PSD3: variants seen among roughly 807,000 people sequenced by gnomAD.
PSD3 encodes pleckstrin and Sec7 domain containing 3.
PSD3 carries 49 observed loss-of-function variants against 105.5 expected under a neutral mutation model. The observed-to-expected ratio is 0.46, with a 90% CI of 0.37 to 0.59. The LOEUF is 0.59. Ranked by LOEUF, PSD3 falls within the 20% of genes least tolerant of loss-of-function variation. The pLI is 0.00. For synonymous variants in PSD3, 557 were observed against 457.8 expected, an observed-to-expected ratio of 1.22 and a Z score of -2.77; for missense variants, 1,561 against 1,263.8, an observed-to-expected ratio of 1.24 and a Z score of -3.57.
chr8:18,758,238 G>C (rs1443258296), intron 9 of PSD3, among the ~76,000 whole-genome samples: 2 of 152,110 alleles, frequency 1.3e-5, no homozygotes, highest in African/African-American at 2.4e-5. Flanking sequence ...AGAGAGGAGA[G>C]AGCAACAATG....
At chr8:18,588,512 T>C (rs1267522855) in intron 12 of PSD3, among the ~76,000 whole-genome samples, 1 of 152,228 alleles carries the variant, frequency 6.6e-6, no homozygotes, top group Non-Finnish European at 1.5e-5. Flanking sequence ...CTAGCATTCT[T>C]ATGATTTAAC....
At chr8:19,072,717 T>G (rs538987132) in intron 1 of PSD3, among the ~76,000 whole-genome samples, 1 of 152,120 alleles carries the variant, frequency 6.6e-6, no homozygotes, top group African/African-American at 2.4e-5. Context: ...GAGCCAAAAT[T>G]CGGGTGGATG....
At chr8:19,065,028 A>C (rs1829030935) in intron 1 of PSD3, among the ~76,000 whole-genome samples, 1 of 151,898 alleles carries the variant, frequency 6.6e-6, no homozygotes, top group Admixed American at 6.6e-5. Flanking sequence ...TAGTTTTCCA[A>C]AAAAACCAGG....
At chr8:18,674,382 T>G (rs577693941) in intron 9 of PSD3, among the ~76,000 whole-genome samples, 1 of 152,304 alleles carries the variant, frequency 6.6e-6, no homozygotes, top group East Asian at 1.9e-4. Context: ...GGAACTTAAA[T>G]AGTGAACACG....
chr8:18,617,699 C>T (rs1158188741), intron 11 of PSD3, among the ~76,000 whole-genome samples: 1 of 152,104 alleles, frequency 6.6e-6, no homozygotes, highest in African/African-American at 2.4e-5. Flanking sequence ...TTGGACATGC[C>T]TCATTATGCC....
chr8:18,726,500 T>C (rs960370500), intron 9 of PSD3, among the ~76,000 whole-genome samples: 12 of 152,180 alleles, frequency 7.9e-5, no homozygotes, highest in African/African-American at 2.7e-4. Flanking sequence ...ACCCTAAATA[T>C]AGAGGTTTAA....
chr8:18,692,944 T>C (rs1364738298), intron 9 of PSD3, among the ~76,000 whole-genome samples: 5 of 152,230 alleles, frequency 3.3e-5, no homozygotes, highest in Non-Finnish European at 5.9e-5. Flanking sequence ...AGAAATTCAC[T>C]ACCGGGGGTA....
intron 1 of PSD3, among the ~76,000 whole-genome samples, chr8:19,002,679 G>A (rs570897282): frequency 6.6e-6 from 1 of 152,148 alleles, no homozygotes; most frequent in African/African-American, 2.4e-5. Flanking sequence ...CTAATACAAT[G>A]TAAATGCTAT....
chr8:18,937,501 C>A (rs1236970835), intron 1 of PSD3, among the ~76,000 whole-genome samples: 6 of 152,134 alleles, frequency 3.9e-5, no homozygotes, highest in African/African-American at 1.4e-4. Context: ...AATCACACCT[C>A]CATCACCCCA....
Position 18,535,081 on chromosome 8 carries a change from T to C in PSD3, c.*662A>G, listed in dbSNP as rs552777279. 1.8e-3 allele frequency: 278 copies of C among 152,808 alleles called. 1 individual carries two copies. The highest frequency in any genetic ancestry group is 2.8e-3 in the Non-Finnish European group (192 of 68,050). The allele number at this position is 152,808 out of a possible 1,614,324, so 9.5% of individuals were successfully genotyped here. On this transcript the variant is annotated 3_prime_UTR_variant, in exon 16 of 16. Transcript: ENST00000327040. ...TCCTCTTTCCCTTGCTTGGCTGAAA[T>C]GGAATCAGCACTTCAAGCAAGCTAA... is the stretch of plus-strand genomic sequence containing the variant.
intron 1 of PSD3, among the ~76,000 whole-genome samples, chr8:18,972,295 T>C (rs1824699041): frequency 6.6e-6 from 1 of 152,200 alleles, no homozygotes; most frequent in Non-Finnish European, 1.5e-5. Context: ...GCAATGATAC[T>C]AAATACAACG....
rs1799468269 is a variant in PSD3, at chr8:18,527,402, A to G, written c.*8341T>C. Reference sequence around the variant, plus strand: ...TTCACTATTTTGCGTGATTTCTATTACATAAAAACCATTTAAATGCAATAA... The same window carrying G: ...TTCACTATTTTGCGTGATTTCTATTGCATAAAAACCATTTAAATGCAATAA... On this transcript the variant is annotated 3_prime_UTR_variant, in exon 16 of 16. Transcript: ENST00000327040. 1 of 152,642 alleles carries G rather than the reference A, an allele frequency of 6.6e-6. No individual in the cohort carries two copies. Among genetic ancestry groups the G allele is most frequent in the South Asian group, 2.1e-4 (1 of 4,836 alleles). The allele number at this position is 152,642 out of a possible 1,614,324, so 9.5% of individuals were successfully genotyped here.
chr8:19,077,616 T>C (rs1411285277), intron 1 of PSD3, among the ~76,000 whole-genome samples: 1 of 152,216 alleles, frequency 6.6e-6, no homozygotes, highest in East Asian at 1.9e-4. Context: ...ACCGATTGCT[T>C]TGTATAAATG....
chr8:18,997,084 G>A (rs185890483), intron 1 of PSD3, among the ~76,000 whole-genome samples: 1 of 151,766 alleles, frequency 6.6e-6, no homozygotes, highest in East Asian at 1.9e-4. Context: ...CCAGGTTTTG[G>A]CCCTCAACTT....
chr8:19,064,911 A>T (rs921939626), intron 1 of PSD3, among the ~76,000 whole-genome samples: 1 of 152,210 alleles, frequency 6.6e-6, no homozygotes, highest in Non-Finnish European at 1.5e-5. Flanking sequence ...ATAGGAGGCC[A>T]TTGTTTTGGA....
intron 1 of PSD3, among the ~76,000 whole-genome samples, chr8:19,066,597 G>A (rs1373620443): frequency 2.6e-5 from 4 of 152,188 alleles, no homozygotes. Context: ...AGTCAATACA[G>A]AACCTGGTGT....
chr8:18,607,783 G>C (rs1428493987), intron 11 of PSD3, among the ~76,000 whole-genome samples: 1 of 150,932 alleles, frequency 6.6e-6, no homozygotes, highest in East Asian at 2.0e-4. Context: ...AATTTATAAA[G>C]GGAAGAGGTT....
At chr8:18,776,148 T>C (rs1049058019) in intron 8 of PSD3, among the ~76,000 whole-genome samples, 1 of 151,680 alleles carries the variant, frequency 6.6e-6, no homozygotes, top group African/African-American at 2.4e-5. Flanking sequence ...CAAAACTAAG[T>C]TGGCTATAAA....
chr8:18,824,637 G>T (rs566546731), intron 4 of PSD3, among the ~76,000 whole-genome samples: 3 of 152,094 alleles, frequency 2.0e-5, no homozygotes, highest in Middle Eastern at 3.4e-3. Context: ...TAAATTCAGG[G>T]GCCATCTATC....
Sources: gnomAD v4.1 joint callset for allele counts (sites outside exome capture counted in the v4.1 genomes callset) on GRCh38, gnomAD v4.1.1 for gene constraint, MANE v1.5 for transcripts, NCBI Gene and HGNC (gene_info 2026-07-23, HGNC 2026-07-21) for gene names.